Variants in GGNBP2 observed in about 807,000 individuals in gnomAD.
GGNBP2 encodes the protein gametogenetin binding protein 2.
A neutral mutation model predicts 85.9 loss-of-function variants in GGNBP2; 10 were observed. That is an observed-to-expected ratio of 0.12 (90% CI 0.07 to 0.20). The LOEUF is 0.20. Among genes scored for constraint, GGNBP2 ranks in the 10% least tolerant of loss-of-function variants. The probability of loss-of-function intolerance (pLI) is 1.00; values close to 1 mark genes in which losing one functional copy is unlikely to be tolerated. For synonymous variants in GGNBP2, 287 were observed against 285.7 expected (o/e 1.00, Z -0.05); for missense variants, 595 against 857.8 (o/e 0.69, Z 3.83).
chr17:36,568,318 A>G (rs1380129000), intron 6 of GGNBP2, among the ~76,000 whole-genome samples: 2 of 150,110 alleles, frequency 1.3e-5, no homozygotes, highest in Admixed American at 6.6e-5. Context: ...TCTTTTTGAG[A>G]CAGAGTTGCA....
intron 6 of GGNBP2, among the ~76,000 whole-genome samples, chr17:36,576,501 C>T (rs2074583605): frequency 1.8e-5 from 2 of 114,216 alleles, no homozygotes; most frequent in South Asian, 6.0e-4. Flanking sequence ...TTACAGTGAG[C>T]CTCGATGGCG....
rs779195030 is a variant in GGNBP2, at chr17:36,577,971, T to C, written c.642-12T>C. ...AGCCATTTCTTAATTTTAAGGTTTT[T>C]CTTTTCAACAGGTTTTGCACTGATT... On this transcript the variant is annotated splice_polypyrimidine_tract_variant and intron_variant, in intron 6 of 13. Transcript: ENST00000613102. 91 of 1,609,290 alleles carry C rather than the reference T, an allele frequency of 5.7e-5. 1 individual carries two copies. Among genetic ancestry groups the C allele is most frequent in the Admixed American group, 1.7e-4 (10 of 59,992 alleles).
chr17:36,558,824 T>TA (rs551639934), intron 4 of GGNBP2, among the ~76,000 whole-genome samples: 324 of 152,016 alleles, frequency 2.1e-3, no homozygotes, highest in African/African-American at 7.5e-3. Context: ...AAGAGTGGCA[T>TA]AGTCTGATGA....
intron 5 of GGNBP2, among the ~76,000 whole-genome samples, chr17:36,566,666 G>A (rs2074471829): frequency 2.0e-5 from 3 of 151,384 alleles, no homozygotes; most frequent in South Asian, 2.1e-4. Context: ...GAGTGACAGA[G>A]CGAGAATCTG....
intron 2 of GGNBP2, chr17:36,546,772 A>G (rs2074259283): frequency 6.6e-6 from 1 of 152,214 alleles, no homozygotes; most frequent in Non-Finnish European, 1.5e-5. Context: ...AGGTGCACCT[A>G]AGTCTCTTCA....
chr17:36,561,592 T>C (rs967820724), intron 5 of GGNBP2, among the ~76,000 whole-genome samples: 24 of 152,164 alleles, frequency 1.6e-4, no homozygotes, highest in African/African-American at 5.8e-4. Flanking sequence ...ATTATGACAA[T>C]ATGTATTTAT....
intron 4 of GGNBP2, among the ~76,000 whole-genome samples, chr17:36,559,296 CAAAA>C (rs892895973): frequency 3.2e-5 from 1 of 31,496 alleles, no homozygotes; most frequent in African/African-American, 1.0e-4. Flanking sequence ...GACTCTGTCT[CAAAA>C]AAAAAAAAAA....
intron 6 of GGNBP2, among the ~76,000 whole-genome samples, chr17:36,568,689 T>C (rs1282549196): frequency 2.6e-5 from 4 of 152,180 alleles, no homozygotes; most frequent in Non-Finnish European, 5.9e-5. Context: ...GAGTTGATAT[T>C]CATGTGTTTT....
intron 2 of GGNBP2, among the ~76,000 whole-genome samples, chr17:36,553,106 A>G (rs1264608936): frequency 1.3e-5 from 2 of 152,030 alleles, no homozygotes; most frequent in African/African-American, 2.4e-5. Flanking sequence ...AGCAAGGAGC[A>G]TTAACTCTTC....
At chr17:36,587,303 G>A in intron 13 of GGNBP2, 58 bp downstream of exon 13, 1 of 1,569,872 alleles carries the variant, frequency 6.4e-7, no homozygotes, top group Non-Finnish European at 8.8e-7. Flanking sequence ...GTGGATGTGG[G>A]AGGGGATAGT....
intron 9 of GGNBP2, among the ~76,000 whole-genome samples, chr17:36,583,507 G>A (rs747785042): frequency 6.6e-5 from 10 of 152,070 alleles, no homozygotes; most frequent in Non-Finnish European, 2.9e-5. Flanking sequence ...CACCCATGCT[G>A]GATTGCAGTG....
intron 6 of GGNBP2, chr17:36,577,731 T>C (rs2074606047): frequency 1.9e-6 from 1 of 532,834 alleles, no homozygotes; most frequent in Non-Finnish European, 3.4e-6. Flanking sequence ...AAATAATAGG[T>C]ATGTATCTGC....
chr17:36,557,849 C>G (rs2074377880), intron 4 of GGNBP2, among the ~76,000 whole-genome samples: 1 of 152,186 alleles, frequency 6.6e-6, no homozygotes, highest in African/African-American at 2.4e-5. Flanking sequence ...CGCGGTGGCT[C>G]ACGCCTGTAA....
chr17:36,547,031 AATT>A (rs1310278169), intron 2 of GGNBP2: 1 of 152,216 alleles, frequency 6.6e-6, no homozygotes, highest in Non-Finnish European at 1.5e-5. Flanking sequence ...CAGCATTTCT[AATT>A]ATTCAAGTGC....
chr17:36,574,039 C>A (rs540269680), intron 6 of GGNBP2, among the ~76,000 whole-genome samples: 42 of 152,054 alleles, frequency 2.8e-4, no homozygotes, highest in African/African-American at 8.2e-4. Context: ...ATATGGTTTG[C>A]AAATATTTTT....
At chr17:36,582,348 T>G (rs534488283) in intron 9 of GGNBP2, 7 of 152,298 alleles carry the variant, frequency 4.6e-5, no homozygotes, top group African/African-American at 1.7e-4. Flanking sequence ...ATCGCTCCAC[T>G]GCAGTCCAGC....
chr17:36,546,161 A>G (rs911358702), intron 2 of GGNBP2: 11 of 402,622 alleles, frequency 2.7e-5, no homozygotes, highest in African/African-American at 2.0e-4. Flanking sequence ...TACCCCATAC[A>G]GAAACCACCT....
At chr17:36,551,209 CTTT>C (rs67093103) in intron 2 of GGNBP2, among the ~76,000 whole-genome samples, 3 of 145,974 alleles carry the variant, frequency 2.1e-5, no homozygotes, top group Non-Finnish European at 3.0e-5. Context: ...TCTTTATTGA[CTTT>C]TTTTTTTTTT....
In GGNBP2 at chr17:36,554,896, T is replaced by C; in HGVS notation, c.170T>C (p.Ile57Thr). Reference protein sequence around the residue: ...QNNGAQLKQFIQRHGMLKQQD... With the variant: ...QNNGAQLKQFTQRHGMLKQQD... Reference sequence around the variant, plus strand: ...AATGGTGCACAGCTAAAGCAGTTCATTCAGGTAATAGTTTTTTCAATCAGT... The same window carrying C: ...AATGGTGCACAGCTAAAGCAGTTCACTCAGGTAATAGTTTTTTCAATCAGT... The change falls in exon 3 of 14, where the codon ATT becomes ACT. Residue 57 changes from isoleucine to threonine, a missense_variant. By Grantham distance (89) the Ile-to-Thr change is moderately conservative. Coordinates refer to ENST00000613102, the MANE Select transcript of GGNBP2 (RefSeq NM_024835.5). 6.3e-7 allele frequency: 1 copy of C among 1,582,718 alleles called. No individual in the cohort carries two copies. The highest frequency in any genetic ancestry group is 1.3e-5 in the African/African-American group (1 of 74,468).
Sources: allele counts gnomAD v4.1 joint callset (sites outside exome capture counted in the v4.1 genomes callset), GRCh38; gene constraint gnomAD v4.1.1; transcripts MANE v1.5; gene names NCBI Gene and HGNC (gene_info 2026-07-23, HGNC 2026-07-21).